The following DENND6B variants were observed in gnomAD, a reference collection of about 807,000 sequenced individuals.
The protein encoded by DENND6B is protein DENND6B.
Under a neutral mutation model 85.1 loss-of-function variants are expected in DENND6B, and 73 were observed. The ratio of observed to expected loss-of-function variants is 0.86; its 90% CI spans 0.71 to 1.04. DENND6B has a LOEUF of 1.04. Among genes scored for constraint, DENND6B ranks in the 50% least tolerant of loss-of-function variants. The pLI, the probability that DENND6B is intolerant of heterozygous loss-of-function variation, is 0.00. For synonymous variants in DENND6B, 357 were observed against 329.3 expected (o/e 1.08, Z -0.91); for missense variants, 715 against 785.8 (o/e 0.91, Z 1.08).
chr22:50,320,561 G>A (rs979438921), intron 1 of DENND6B, among the ~76,000 whole-genome samples: 3 of 152,304 alleles, frequency 2.0e-5, no homozygotes, highest in South Asian at 2.1e-4. Context: ...GTGTGAAGAG[G>A]TCTCTGAGGT....
At chr22:50,313,604 C>G in intron 15 of DENND6B, 31 bp downstream of exon 15, 1 of 1,537,616 alleles carries the variant, frequency 6.5e-7, no homozygotes, top group Non-Finnish European at 8.8e-7. Flanking sequence ...CCGTGCCCCC[C>G]AGTCCCATGT....
At chr22:50,323,305 T>G (rs1767820553) in intron 1 of DENND6B, among the ~76,000 whole-genome samples, 2 of 145,768 alleles carry the variant, frequency 1.4e-5, no homozygotes, top group South Asian at 4.5e-4. Context: ...TTTTCCTTTT[T>G]GAGAGCTGCA....
intron 1 of DENND6B, among the ~76,000 whole-genome samples, chr22:50,321,648 C>A (rs2042048513): frequency 6.6e-6 from 1 of 152,094 alleles, no homozygotes; most frequent in Non-Finnish European, 1.5e-5. Flanking sequence ...AGGTGTGAGC[C>A]ACGGCGCCCA....
chr22:50,322,375 A>G lies in DENND6B; in HGVS notation c.178-3372T>C, dbSNP rs368681394. 6.6e-5 allele frequency among the ~76,000 whole-genome samples: 10 copies of G among 150,898 alleles called. No individual in the cohort carries two copies. The South Asian group carries it at 2.1e-3, about 32-fold the overall frequency. ...AGGCGTGAGCCACCGTGCCCGGCCA[A>G]TAATTTTTAAAACTACAAAAGTGTC... is the stretch of plus-strand genomic sequence containing the variant. On this transcript the variant is annotated intron_variant, in intron 1 of 19. Coordinates refer to ENST00000413817, the MANE Select transcript of DENND6B (RefSeq NM_001001794.4).
At chr22:50,326,776 G>GGGCCCCCCC in intron 1 of DENND6B, 36 bp downstream of exon 1, 1 of 1,334,882 alleles carries the variant, frequency 7.5e-7, no homozygotes. Context: ...GCGCAGCCCT[G>GGGCCCCCCC]CCCACCCGCC....
At chr22:50,312,937 C>A (rs1479961640) in intron 17 of DENND6B, 62 bp downstream of exon 17, 1 of 1,416,446 alleles carries the variant, frequency 7.1e-7, no homozygotes, top group African/African-American at 1.4e-5. Flanking sequence ...AGGCGGGGGG[C>A]CATGGGGCTG....
At chr22:50,323,780 G>T (rs2042122162) in intron 1 of DENND6B, among the ~76,000 whole-genome samples, 1 of 146,558 alleles carries the variant, frequency 6.8e-6, no homozygotes, top group African/African-American at 2.6e-5. Context: ...TGTAACCTAG[G>T]CTGGAGTGCA....
At chr22:50,316,715 T>G in intron 5 of DENND6B, 2 of 1,453,626 alleles carry the variant, frequency 1.4e-6, no homozygotes, top group Non-Finnish European at 1.8e-6. Context: ...CCTAGGGCCT[T>G]CGGAGGGAAA....
intron 13 of DENND6B, 56 bp downstream of exon 13, chr22:50,314,150 AG>A: frequency 1.9e-6 from 3 of 1,539,736 alleles, no homozygotes; most frequent in Non-Finnish European, 2.6e-6. Context: ...GAGACCCGCC[AG>A]GTACAAGACA....
At chr22:50,325,666 G>C (rs925232432) in intron 1 of DENND6B, among the ~76,000 whole-genome samples, 7 of 152,048 alleles carry the variant, frequency 4.6e-5, no homozygotes, top group African/African-American at 1.7e-4. Context: ...GTGATTTTGT[G>C]GGGAACAATC....
intron 2 of DENND6B, 24 bp from the exon 3 acceptor site, chr22:50,318,913 AG>A (rs1176032908): frequency 6.2e-7 from 1 of 1,612,094 alleles, no homozygotes; most frequent in Non-Finnish European, 8.5e-7. Context: ...AACCCCGGTG[AG>A]GGCCGACCCA....
rs762817426 is a variant in DENND6B, at chr22:50,314,585, G to A, written c.977+20C>T. On this transcript the variant is annotated intron_variant, in intron 11 of 19. Transcript: ENST00000413817. ...GCAGGGCGGAGCAAGGGCAAGAGGC[G>A]GGGCAGAGGCGGCACTTACGGGGCC... is the stretch of plus-strand genomic sequence containing the variant. 1.1e-4 allele frequency: 176 copies of A among 1,557,142 alleles called. 2 individuals carry two copies. In the South Asian group the frequency reaches 1.3e-3, roughly 12 times the overall value.
In DENND6B at chr22:50,315,631, C is replaced by T. The variant is rs931149132; in HGVS notation, c.758+83G>A. On this transcript the variant is annotated intron_variant, in intron 9 of 19. Coordinates refer to ENST00000413817, the MANE Select transcript of DENND6B (RefSeq NM_001001794.4). ...ACACACACGCACACACATACTCACA[C>T]ACAGATGCACACATGCACGTACATG... The T allele has an allele frequency of 3.6e-4, 519 of 1,452,428 alleles. 3 individuals carry two copies. The highest frequency in any genetic ancestry group is 4.5e-4 in the Non-Finnish European group (487 of 1,071,462). 90.0% of individuals were successfully genotyped at this position (1,452,428 alleles called of 1,614,324 possible). A position where few individuals can be genotyped will look rare whatever the true frequency, so the allele number is the denominator to read the frequency against.
rs1201881743 is a variant in DENND6B, at chr22:50,310,306, C to G, written c.*1833G>C. ...CTCTATGTGTTCTGTTTCATGTGGT[C>G]ACATCCTTGGACCCTGCACCAGACA... is the stretch of plus-strand genomic sequence containing the variant. On this transcript the variant is annotated 3_prime_UTR_variant, in exon 20 of 20. Transcript: ENST00000413817. 1.3e-5 allele frequency: 2 copies of G among 152,266 alleles called. No individual in the cohort carries two copies. Among genetic ancestry groups the G allele is most frequent in the Non-Finnish European group, 2.9e-5 (2 of 68,064 alleles). 9.4% of individuals were successfully genotyped at this position (152,266 alleles called of 1,614,324 possible). A position where few individuals can be genotyped will look rare whatever the true frequency, so the allele number is the denominator to read the frequency against.
chr22:50,315,668 A>G, intron 9 of DENND6B, 46 bp downstream of exon 9: 1 of 1,548,340 alleles, frequency 6.5e-7, no homozygotes, highest in Non-Finnish European at 8.7e-7. Flanking sequence ...ACGTGCACAC[A>G]CAGTGAGCTC....
chr22:50,317,315 A>G lies in DENND6B; in HGVS notation c.431T>C (p.Val144Ala). ...VYFRQVKDSS[V>A]KRGYFQKSLV... ...CACCTTCTGGAAGTAGCCCCTCTTCACAGAGCTGTCCTTCACCTGCCTGAA... is the reference window on the plus strand; with the variant it reads ...CACCTTCTGGAAGTAGCCCCTCTTCGCAGAGCTGTCCTTCACCTGCCTGAA... Residue 144 changes from valine to alanine, a missense_variant, in exon 5 of 20, where the codon GTG becomes GCG. Transcript: ENST00000413817. The G allele has an allele frequency of 6.2e-7, 1 of 1,612,898 alleles. No homozygotes were observed. Among genetic ancestry groups the G allele is most frequent in the African/African-American group, 1.3e-5 (1 of 74,982 alleles).
At chr22:50,313,749 C>T in intron 14 of DENND6B, 25 bp from the exon 15 acceptor site, 1 of 1,606,432 alleles carries the variant, frequency 6.2e-7, no homozygotes, top group African/African-American at 1.3e-5. Context: ...GGGCCAGGCC[C>T]TTGCTGCGCT....
At chr22:50,320,055 C>A (rs1327681900) in intron 1 of DENND6B, among the ~76,000 whole-genome samples, 1 of 152,180 alleles carries the variant, frequency 6.6e-6, no homozygotes, top group East Asian at 1.9e-4. Context: ...TGCAATGTCT[C>A]CTGGGCTGCC....
intron 4 of DENND6B, among the ~76,000 whole-genome samples, 180 bp from the exon 5 acceptor site, chr22:50,317,553 G>A (rs1482243322): frequency 6.6e-6 from 1 of 152,110 alleles, no homozygotes; most frequent in Non-Finnish European, 1.5e-5. Flanking sequence ...GAGGTCCTGG[G>A]CTCAGAAGGT....
Sources: allele counts gnomAD v4.1 joint callset (sites outside exome capture counted in the v4.1 genomes callset), GRCh38; gene constraint gnomAD v4.1.1; transcripts MANE v1.5; gene names NCBI Gene and HGNC (gene_info 2026-07-23, HGNC 2026-07-21).